POLR3B: variants seen among roughly 807,000 people sequenced by gnomAD.
POLR3B encodes RNA polymerase III subunit B.
POLR3B carries 96 observed loss-of-function variants against 147.4 expected under a neutral mutation model. The observed-to-expected ratio is 0.65, with a 90% CI of 0.55 to 0.77. The LOEUF (loss-of-function observed/expected upper bound fraction) is 0.77. POLR3B is among the 30% of genes least tolerant of loss of function. The probability of loss-of-function intolerance (pLI) is 0.00; values close to 1 mark genes in which losing one functional copy is unlikely to be tolerated. For missense variants in POLR3B, 1,036 were observed against 1,413.5 expected, an observed-to-expected ratio of 0.73 and a Z score of 4.28; for synonymous variants, 461 against 485.9, an observed-to-expected ratio of 0.95 and a Z score of 0.67.
intron 23 of POLR3B, among the ~76,000 whole-genome samples, chr12:106,490,004 C>A (rs80321192): frequency 0.018 from 2,667 of 152,274 alleles, 75 homozygotes; most frequent in African/African-American, 0.06. Flanking sequence ...GCAGCTCTTA[C>A]TTTAATGTTA....
intron 2 of POLR3B, among the ~76,000 whole-genome samples, chr12:106,365,939 A>G (rs533945367): frequency 6.6e-6 from 1 of 152,070 alleles, no homozygotes; most frequent in Admixed American, 6.6e-5. Context: ...CATCAATATC[A>G]CTGTCTTCCA....
chr12:106,489,387 G>C (rs953340537), intron 23 of POLR3B, among the ~76,000 whole-genome samples: 1 of 152,176 alleles, frequency 6.6e-6, no homozygotes, highest in Non-Finnish European at 1.5e-5. Context: ...GGATAAAATC[G>C]TTTGGAAGAT....
At position 106,426,851 on chromosome 12, in the gene POLR3B, C is replaced by A. The variant is rs990973055; in HGVS notation, c.1102-346C>A. ...TTCTTCTCCACCGTCCCCCCCCCCC[C>A]CCCCCGTCCTTTTTGGTTTTAATAT... is the stretch of plus-strand genomic sequence containing the variant. On this transcript the variant is annotated intron_variant, in intron 12 of 27. Coordinates refer to ENST00000228347, the MANE Select transcript of POLR3B (RefSeq NM_018082.6). Among the ~76,000 whole-genome samples the A allele has an allele frequency of 5.9e-4, 64 of 107,644 alleles. 5 individuals carry two copies. The South Asian group carries it at 0.02, about 34-fold the overall frequency. 70.6% of individuals were successfully genotyped at this position (107,644 alleles called of 152,430 possible).
chr12:106,470,920 A>G (rs1327925975), intron 23 of POLR3B, among the ~76,000 whole-genome samples: 2 of 152,008 alleles, frequency 1.3e-5, no homozygotes, highest in African/African-American at 4.8e-5. Flanking sequence ...GGGGTCAGGG[A>G]CCTACTTGAG....
rs372178891 is a variant in POLR3B, at chr12:106,369,621, A to G, written c.342A>G (p.Thr114=). The stretch of plus-strand genomic sequence containing the variant: ...ACATGACATACTCTGCCCCTATTAC[A>G]GTGGATATTGAATATACCCGAGGCA... ...LRDMTYSAPI[T]VDIEYTRGSQ... is the part of the protein sequence containing the mutation. Residue 114 remains threonine, a synonymous_variant, in exon 6 of 28, where the codon ACA becomes ACG. Coordinates refer to ENST00000228347, the MANE Select transcript of POLR3B (RefSeq NM_018082.6). The G allele has an allele frequency of 6.8e-6, 11 of 1,613,192 alleles. No homozygotes were observed. The highest frequency in any genetic ancestry group is 6.7e-5 in the East Asian group (3 of 44,876).
intron 23 of POLR3B, among the ~76,000 whole-genome samples, chr12:106,463,851 A>G (rs1045836356): frequency 6.6e-6 from 1 of 152,170 alleles, no homozygotes; most frequent in Non-Finnish European, 1.5e-5. Flanking sequence ...TGCAGTTGCT[A>G]TGCCCAGAAT....
chr12:106,498,375 T>G (rs1001488241), intron 25 of POLR3B, among the ~76,000 whole-genome samples: 1 of 152,170 alleles, frequency 6.6e-6, no homozygotes, highest in African/African-American at 2.4e-5. Context: ...TGTTAACCTG[T>G]GAGAAACAGA....
intron 19 of POLR3B, among the ~76,000 whole-genome samples, chr12:106,447,367 G>C (rs895723844): frequency 6.6e-6 from 1 of 152,122 alleles, no homozygotes; most frequent in Non-Finnish European, 1.5e-5. Context: ...CTATGTAAGA[G>C]AGCTAATCCA....
At chr12:106,388,479 A>C (rs577741232) in intron 9 of POLR3B, among the ~76,000 whole-genome samples, 1 of 152,070 alleles carries the variant, frequency 6.6e-6, no homozygotes, top group Non-Finnish European at 1.5e-5. Context: ...CACCACGCCC[A>C]GCTAATTTTT....
intron 1 of POLR3B, chr12:106,358,281 A>G (rs920950675): frequency 1.1e-5 from 14 of 1,274,770 alleles, no homozygotes; most frequent in South Asian, 3.1e-5. Flanking sequence ...GCATGTTTGC[A>G]GTCTTACAGA....
intron 16 of POLR3B, among the ~76,000 whole-genome samples, chr12:106,434,761 G>A (rs2037554820): frequency 1.3e-5 from 2 of 152,160 alleles, no homozygotes; most frequent in Non-Finnish European, 2.9e-5. Context: ...CTGGGAGAGT[G>A]ACTGCATGCT....
chr12:106,378,542 G>A (rs1474231347), intron 8 of POLR3B, among the ~76,000 whole-genome samples, 158 bp downstream of exon 8: 4 of 152,144 alleles, frequency 2.6e-5, no homozygotes, highest in African/African-American at 9.7e-5. Context: ...AAGTCTGGAA[G>A]CATAGGGTAC....
chr12:106,422,687 T>C (rs1336521926), intron 12 of POLR3B, among the ~76,000 whole-genome samples: 1 of 152,222 alleles, frequency 6.6e-6, no homozygotes, highest in African/African-American at 2.4e-5. Flanking sequence ...TTTTATTGTA[T>C]GTGCAGATCT....
chr12:106,427,822 A>G (rs1334736011), intron 13 of POLR3B, among the ~76,000 whole-genome samples: 1 of 152,192 alleles, frequency 6.6e-6, no homozygotes, highest in Non-Finnish European at 1.5e-5. Flanking sequence ...AGTTCTCGGC[A>G]GCTGCTGTGT....
At chr12:106,377,989 GGGGC>G (rs1433992705) in intron 7 of POLR3B, among the ~76,000 whole-genome samples, 1 of 152,188 alleles carries the variant, frequency 6.6e-6, no homozygotes, top group African/African-American at 2.4e-5. Flanking sequence ...TCGGGAGACT[GGGGC>G]GGGCGAATCA....
At chr12:106,358,067 C>A (rs2036413273) in intron 1 of POLR3B, 116 bp downstream of exon 1, 1 of 1,546,782 alleles carries the variant, frequency 6.5e-7, no homozygotes, top group African/African-American at 1.4e-5. Flanking sequence ...ATGCGCCGGG[C>A]TTCTGCGCAT....
intron 23 of POLR3B, among the ~76,000 whole-genome samples, chr12:106,490,261 C>T (rs568304657): frequency 1.2e-3 from 185 of 152,206 alleles, no homozygotes; most frequent in Middle Eastern, 6.8e-3. Context: ...CACATTCAGC[C>T]GTGTGTATTT....
chr12:106,391,681 A>T (rs1372252832), intron 9 of POLR3B, among the ~76,000 whole-genome samples: 3 of 152,254 alleles, frequency 2.0e-5, no homozygotes, highest in African/African-American at 7.2e-5. Context: ...AAGAGGTTGC[A>T]TGACAGTAGT....
intron 9 of POLR3B, among the ~76,000 whole-genome samples, chr12:106,385,845 C>T (rs1445651142): frequency 6.6e-6 from 1 of 152,080 alleles, no homozygotes; most frequent in Non-Finnish European, 1.5e-5. Context: ...GAGATGGAGC[C>T]ATTTTCTTTT....
Sources: gnomAD v4.1 joint callset for allele counts (sites outside exome capture counted in the v4.1 genomes callset) on GRCh38, gnomAD v4.1.1 for gene constraint, MANE v1.5 for transcripts, NCBI Gene and HGNC (gene_info 2026-07-23, HGNC 2026-07-21) for gene names.